DGKE: variants seen among roughly 807,000 people sequenced by gnomAD.
The protein encoded by DGKE is DAG kinase epsilon.
In DGKE, 53 loss-of-function variants were observed where a neutral mutation model predicts 70.0. The ratio of observed to expected loss-of-function variants is 0.76; its 90% confidence interval spans 0.61 to 0.95. DGKE has a LOEUF of 0.95. Among genes scored for constraint, DGKE ranks in the 40% least tolerant of loss-of-function variants. The probability of loss-of-function intolerance (pLI) is 0.00; values close to 1 mark genes in which losing one functional copy is unlikely to be tolerated. For missense variants in DGKE, 655 were observed against 706.9 expected (o/e 0.93, Z 0.83); for synonymous variants, 291 against 257.0 (o/e 1.13, Z -1.27).
Position 56,868,116 on chromosome 17 carries a change from A to C in DGKE, c.*5325A>C, listed in dbSNP as rs1204302033. On this transcript the variant is annotated 3_prime_UTR_variant, in exon 12 of 12. Transcript: ENST00000284061. ...GACTAACATGGAATGTTGAAAAGGA[A>C]GAGCTGGAAAGCTCAGTTGTTTTCC... The C allele has an allele frequency of 6.6e-6, 1 of 152,282 alleles. No individual in the cohort carries two copies. Among genetic ancestry groups the C allele is most frequent in the African/African-American group, 2.4e-5 (1 of 41,474 alleles). 9.4% of individuals were successfully genotyped at this position (152,282 alleles called of 1,614,324 possible).
intron 2 of DGKE, among the ~76,000 whole-genome samples, chr17:56,840,927 G>C (rs909706593): frequency 2.0e-5 from 3 of 151,956 alleles, no homozygotes; most frequent in Admixed American, 6.6e-5. Context: ...GTTCAGGCCA[G>C]TGTGAGCAAC....
rs1369934941 is a variant in DGKE, at chr17:56,869,426, A to G, written c.*6635A>G. On this transcript the variant is annotated 3_prime_UTR_variant, in exon 12 of 12. Coordinates refer to ENST00000284061, the MANE Select transcript of DGKE (RefSeq NM_003647.3). Reference sequence around the variant, plus strand: ...TTCTGATTTATCAGTAACGATCTGAAAAATGTACTGTGGCATGTAACATCT... The same window carrying G: ...TTCTGATTTATCAGTAACGATCTGAGAAATGTACTGTGGCATGTAACATCT... The G allele has an allele frequency of 6.6e-6, 1 of 152,266 alleles. No individual in the cohort carries two copies. Among genetic ancestry groups the G allele is most frequent in the Non-Finnish European group, 1.5e-5 (1 of 68,050 alleles). 9.4% of individuals were successfully genotyped at this position (152,266 alleles called of 1,614,324 possible).
intron 7 of DGKE, among the ~76,000 whole-genome samples, chr17:56,853,991 A>G (rs1907797799): frequency 6.6e-6 from 1 of 151,924 alleles, no homozygotes; most frequent in Admixed American, 6.6e-5. Flanking sequence ...TTAAAAAAAA[A>G]AAAAAACAGG....
chr17:56,846,933 C>T (rs934410897), intron 4 of DGKE, among the ~76,000 whole-genome samples: 1 of 151,666 alleles, frequency 6.6e-6, no homozygotes, highest in Non-Finnish European at 1.5e-5. Flanking sequence ...AAATATTTTT[C>T]CTTGTTTCAA....
chr17:56,862,331 A>G (rs1050848678), intron 11 of DGKE, 80 bp downstream of exon 11: 1 of 1,344,384 alleles, frequency 7.4e-7, no homozygotes, highest in Non-Finnish European at 1.0e-6. Flanking sequence ...TACATGCTAT[A>G]CTTTTCTTTA....
In DGKE at chr17:56,859,011, G is replaced by T. The variant is rs539975588; in HGVS notation, c.1284+346G>T. Among the ~76,000 whole-genome samples, 51 of 152,234 alleles carry T rather than the reference G, an allele frequency of 3.4e-4. 1 individual carries two copies. The East Asian group carries it at 6.4e-3, about 19-fold the overall frequency. On this transcript the variant is annotated intron_variant, in intron 9 of 11. Coordinates refer to ENST00000284061, the MANE Select transcript of DGKE (RefSeq NM_003647.3). ...GTCTGTTTAACTATTAGGGTGAGTG[G>T]CCTCCATTCATACATGATAAATAAT...
In DGKE at chr17:56,863,288, C is replaced by G. The variant is rs1028454692; in HGVS notation, c.*497C>G. On this transcript the variant is annotated 3_prime_UTR_variant, in exon 12 of 12. Transcript: ENST00000284061. The stretch of plus-strand genomic sequence containing the variant: ...CATGCCCCTTAAGATTTTCTACAAC[C>G]CAAACCAAGTGTATGTATTGATTTC... The G allele has an allele frequency of 6.6e-6, 1 of 152,114 alleles. No homozygotes were observed. The highest frequency in any genetic ancestry group is 2.4e-5 in the African/African-American group (1 of 41,414). The allele number at this position is 152,114 out of a possible 1,614,324, so 9.4% of individuals were successfully genotyped here. A position where few individuals can be genotyped will look rare whatever the true frequency, so the allele number is the denominator to read the frequency against.
chr17:56,847,957 C>T lies in DGKE; in HGVS notation c.780C>T (p.Ala260=). ...FDVTKTPPIK[A]LQLCTLLPYY... ...TAACTAAAACTCCTCCTATCAAAGC[C>T]CTACAACTCTGTACTCTTCTCCCAT... The change falls in exon 5 of 12, where the codon GCC becomes GCT. Residue 260 remains alanine, a synonymous_variant. Coordinates refer to ENST00000284061, the MANE Select transcript of DGKE (RefSeq NM_003647.3). The T allele has an allele frequency of 6.3e-7, 1 of 1,592,596 alleles. No individual in the cohort carries two copies. The highest frequency in any genetic ancestry group is 8.6e-7 in the Non-Finnish European group (1 of 1,169,416).
At position 56,858,605 on chromosome 17, in the gene DGKE, A is replaced by G; in HGVS notation, c.1224A>G (p.Leu408=). 1.2e-6 allele frequency: 2 copies of G among 1,607,230 alleles called. No individual in the cohort carries two copies. The highest frequency in any genetic ancestry group is 1.1e-5 in the South Asian group (1 of 89,314). The stretch of plus-strand genomic sequence containing the variant: ...TCCATTTTTCATAGGCGGTTTACTT[A>G]TTCTATGGAACCAAAGATTGTTTAG... ...SSRILNKAVY[L]FYGTKDCLVQ... The change falls in exon 9 of 12, where the codon TTA becomes TTG. Residue 408 remains leucine (L), a synonymous_variant. Coordinates refer to ENST00000284061, the MANE Select transcript of DGKE (RefSeq NM_003647.3).
At chr17:56,838,873 G>A (rs1906794876) in intron 2 of DGKE, 1 of 151,932 alleles carries the variant, frequency 6.6e-6, no homozygotes, top group African/African-American at 2.4e-5. Flanking sequence ...ACATGAAAAG[G>A]AAAAAACATC....
Position 56,861,851 on chromosome 17 carries a change from A to G in DGKE, c.1345A>G (p.Ile449Val). ...PSLEGIIVLN[I>V]GYWGGGCRLW... ...CTTGGAAGGTATTATAGTTCTGAAC[A>G]TCGGATACTGGGGCGGTGGCTGCAG... is the stretch of plus-strand genomic sequence containing the variant. The change falls in exon 10 of 12, where the codon ATC becomes GTC. Residue 449 changes from isoleucine (I) to valine (V), a missense_variant. Transcript: ENST00000284061. 4 of 1,614,004 alleles carry G rather than the reference A, an allele frequency of 2.5e-6. No individual in the cohort carries two copies. Among genetic ancestry groups the G allele is most frequent in the Non-Finnish European group, 3.4e-6 (4 of 1,179,988 alleles).
intron 9 of DGKE, 27 bp downstream of exon 9, chr17:56,858,692 T>C (rs754490393): frequency 2.6e-6 from 4 of 1,529,092 alleles, no homozygotes; most frequent in Non-Finnish European, 3.6e-6. Context: ...TTTTATTTTT[T>C]AAAGTTTTAG....
chr17:56,856,596 T>A lies in DGKE; in HGVS notation c.1183T>A (p.Ser395Thr), dbSNP rs551319122. 6.2e-7 allele frequency: 1 copy of A among 1,613,854 alleles called. No individual in the cohort carries two copies. The highest frequency in any genetic ancestry group is 2.2e-5 in the East Asian group (1 of 44,864). The change falls in exon 8 of 12, where the codon TCT (serine) becomes ACT (threonine). Residue 395 changes from serine (S) to threonine (T), a missense_variant. Ser to Thr is a moderately conservative substitution (Grantham distance 58). Transcript: ENST00000284061. ...NFHAHREKAP[S>T]LFSSRILNKA... ...TCATGCTCATCGTGAGAAGGCACCATCTCTGTTTTCTAGCAGAATTCTTAA... is the reference window on the plus strand; with the variant it reads ...TCATGCTCATCGTGAGAAGGCACCAACTCTGTTTTCTAGCAGAATTCTTAA...
At chr17:56,855,470 C>A (rs1050971985) in intron 7 of DGKE, among the ~76,000 whole-genome samples, 2 of 152,086 alleles carry the variant, frequency 1.3e-5, no homozygotes, top group Non-Finnish European at 1.5e-5. Context: ...TCAAGATCAT[C>A]TGAACATAAC....
At position 56,844,189 on chromosome 17, in the gene DGKE, T is replaced by TAAACTCTAA; in HGVS notation, c.624+11_624+12insAAACTCTAA. On this transcript the variant is annotated intron_variant, in intron 3 of 11. Transcript: ENST00000284061. ...ACAGATTATGAAGTGGTAATTAGAG[T>TAAACTCTAA]TTATTTCTCTAATATGATTGATTTT... is the stretch of plus-strand genomic sequence containing the variant. The TAAACTCTAA allele has an allele frequency of 6.9e-7, 1 of 1,456,712 alleles. No individual in the cohort carries two copies. Among genetic ancestry groups the TAAACTCTAA allele is most frequent in the Non-Finnish European group, 9.2e-7 (1 of 1,091,490 alleles). 90.2% of individuals were successfully genotyped at this position (1,456,712 alleles called of 1,614,324 possible).
chr17:56,848,716 A>G lies in DGKE; in HGVS notation c.909A>G (p.Pro303=). The part of the protein sequence containing the change: ...MKIKGQEKYI[P]QVAVLPLGTG... ...TCTAGGGACAAGAAAAGTACATTCC[A>G]CAAGTTGCAGTTTTGCCTCTGGGAA... The change falls in exon 6 of 12, where the codon CCA becomes CCG. Residue 303 remains proline, a synonymous_variant. Transcript: ENST00000284061. 1 of 1,614,172 alleles carries G rather than the reference A, an allele frequency of 6.2e-7. No individual in the cohort carries two copies. Among genetic ancestry groups the G allele is most frequent in the Non-Finnish European group, 8.5e-7 (1 of 1,180,012 alleles).
rs1178043216 is a variant in DGKE at position 56,863,365 on chromosome 17, A to G, written c.*574A>G. The G allele has an allele frequency of 6.6e-6, 1 of 152,230 alleles. No homozygotes were observed. Among genetic ancestry groups the G allele is most frequent in the African/African-American group, 2.4e-5 (1 of 41,456 alleles). The allele number at this position is 152,230 out of a possible 1,614,324, so 9.4% of individuals were successfully genotyped here. On this transcript the variant is annotated 3_prime_UTR_variant, in exon 12 of 12. Transcript: ENST00000284061. ...AAAAAAGATCATACTTAAAATTTGT[A>G]TTACAATTTTTATTTTAGGAACTTA...
chr17:56,847,724 A>T (rs1333177841), intron 4 of DGKE, 198 bp from the exon 5 acceptor site: 1 of 289,500 alleles, frequency 3.5e-6, no homozygotes, highest in African/African-American at 2.2e-5. Context: ...AATGAGGCTA[A>T]CTCTTGCTTT....
At chr17:56,860,187 T>C (rs1318849418) in intron 9 of DGKE, among the ~76,000 whole-genome samples, 2 of 152,170 alleles carry the variant, frequency 1.3e-5, no homozygotes. Context: ...TCCTCGATAC[T>C]GGAGGTAGAC....
Sources: gnomAD v4.1 joint callset for allele counts (sites outside exome capture counted in the v4.1 genomes callset) on GRCh38, gnomAD v4.1.1 for gene constraint, MANE v1.5 for transcripts, NCBI Gene and HGNC (gene_info 2026-07-23, HGNC 2026-07-21) for gene names.